The following ANKFN1 variants were observed in gnomAD, a reference collection of about 807,000 sequenced individuals.
The protein encoded by ANKFN1 is ankyrin repeat and fibronectin type-III domain-containing protein 1.
ANKFN1 carries 74 observed loss-of-function variants against 108.7 expected under a neutral mutation model. The ratio of observed to expected loss-of-function variants is 0.68; its 90% CI spans 0.56 to 0.83. The LOEUF is 0.83. Ranked by LOEUF, ANKFN1 falls within the 40% of genes least tolerant of loss-of-function variation. The pLI is 0.00. For synonymous variants in ANKFN1, 547 were observed against 516.2 expected, an observed-to-expected ratio of 1.06 and a Z score of -0.81; for missense variants, 1,505 against 1,382.3, an observed-to-expected ratio of 1.09 and a Z score of -1.41.
chr17:56,347,695 A>G (rs187447364), intron 4 of ANKFN1, among the ~76,000 whole-genome samples: 36 of 152,224 alleles, frequency 2.4e-4, no homozygotes, highest in Non-Finnish European at 4.4e-4. Flanking sequence ...ATAATGATAG[A>G]TGAAAGCTAG....
At chr17:56,442,694 C>T in intron 9 of ANKFN1, 149 bp from the exon 10 acceptor site, 1 of 570,060 alleles carries the variant, frequency 1.8e-6, no homozygotes, top group Non-Finnish European at 3.0e-6. Context: ...GGCTATAGTT[C>T]TGTTGCCCAT....
At chr17:56,154,408 A>C (rs1908893062) in intron 1 of ANKFN1, among the ~76,000 whole-genome samples, 1 of 152,096 alleles carries the variant, frequency 6.6e-6, no homozygotes, top group Non-Finnish European at 1.5e-5. Flanking sequence ...CCTTTGAAAA[A>C]ACCAGAGATA....
chr17:56,404,128 T>A (rs2047845322), intron 8 of ANKFN1, among the ~76,000 whole-genome samples: 1 of 152,162 alleles, frequency 6.6e-6, no homozygotes, highest in South Asian at 2.1e-4. Flanking sequence ...GATAACATGA[T>A]GACAATGTGC....
chr17:56,333,536 G>T, intron 4 of ANKFN1, among the ~76,000 whole-genome samples: 1 of 152,020 alleles, frequency 6.6e-6, no homozygotes, highest in Non-Finnish European at 1.5e-5. Flanking sequence ...TAGTCGTGAT[G>T]CATTATCCTT....
At chr17:56,353,586 G>C (rs2046301971) in intron 5 of ANKFN1, among the ~76,000 whole-genome samples, 1 of 152,030 alleles carries the variant, frequency 6.6e-6, no homozygotes, top group African/African-American at 2.4e-5. Context: ...GAAAAGCTGA[G>C]GTTTGCTCTT....
intron 2 of ANKFN1, among the ~76,000 whole-genome samples, chr17:56,226,421 C>G (rs1916275077): frequency 6.6e-6 from 1 of 152,088 alleles, no homozygotes; most frequent in South Asian, 2.1e-4. Context: ...CCACTCCTAA[C>G]CACCTTCACA....
chr17:56,484,786 C>T (rs1223618179), intron 18 of ANKFN1, among the ~76,000 whole-genome samples: 7 of 152,196 alleles, frequency 4.6e-5, no homozygotes, highest in African/African-American at 1.7e-4. Flanking sequence ...AACCAGGATT[C>T]CATTCTGTGT....
At chr17:56,262,398 C>T (rs754426604) in intron 3 of ANKFN1, among the ~76,000 whole-genome samples, 9 of 152,164 alleles carry the variant, frequency 5.9e-5, no homozygotes, top group African/African-American at 9.7e-5. Flanking sequence ...AAGTATATGT[C>T]GTCAAGGCTC....
At chr17:56,387,868 T>C (rs1348745214) in intron 8 of ANKFN1, among the ~76,000 whole-genome samples, 1 of 152,226 alleles carries the variant, frequency 6.6e-6, no homozygotes. Flanking sequence ...AATGCATTTG[T>C]CTCTTGTAAA....
At chr17:56,348,741 C>A (rs1191682051) in intron 4 of ANKFN1, among the ~76,000 whole-genome samples, 1 of 152,106 alleles carries the variant, frequency 6.6e-6, no homozygotes, top group East Asian at 1.9e-4. Flanking sequence ...CAAAAAACAA[C>A]AGATTCTGGC....
chr17:56,087,962 ATG>A (rs1281375290), intron 4 of ANKFN1, among the ~76,000 whole-genome samples: 1 of 150,578 alleles, frequency 6.6e-6, no homozygotes, highest in African/African-American at 2.4e-5. Context: ...GTTTGTGTGT[ATG>A]TGTTTGTGTG....
chr17:56,257,527 AC>A (rs1232845699), intron 3 of ANKFN1, among the ~76,000 whole-genome samples: 6 of 152,138 alleles, frequency 3.9e-5, no homozygotes, highest in African/African-American at 1.4e-4. Context: ...GCATTTTCCA[AC>A]ATTCTCCACA....
intron 8 of ANKFN1, among the ~76,000 whole-genome samples, chr17:56,405,275 A>G (rs1369093104): frequency 6.6e-6 from 1 of 152,210 alleles, no homozygotes; most frequent in East Asian, 1.9e-4. Flanking sequence ...ACTCCTAAGC[A>G]TATAAAAAGA....
rs1201866753 is a variant in ANKFN1 at position 56,429,625 on chromosome 17, A to G, written c.911-10702A>G. Among the ~76,000 whole-genome samples the G allele has an allele frequency of 2.6e-5, 4 of 152,198 alleles. No individual in the cohort carries two copies. In the East Asian group the frequency reaches 7.7e-4, roughly 29 times the overall value. On this transcript the variant is annotated intron_variant, in intron 8 of 20. Transcript: ENST00000682825. ...AGTTTGCCAGGTCCTGTTGTAGACT[A>G]TGTTGAGGAGTTTAGATTTTATTCC...
At chr17:56,320,271 G>A (rs2045324927) in intron 3 of ANKFN1, among the ~76,000 whole-genome samples, 1 of 152,130 alleles carries the variant, frequency 6.6e-6, no homozygotes, top group African/African-American at 2.4e-5. Context: ...TCTTCCACAT[G>A]GTTCAATTAT....
intron 4 of ANKFN1, among the ~76,000 whole-genome samples, chr17:56,139,771 T>C (rs1907810814): frequency 6.6e-6 from 1 of 152,192 alleles, no homozygotes; most frequent in Admixed American, 6.5e-5. Flanking sequence ...CGTAGCCTCA[T>C]TGCAGCATTA....
At chr17:56,346,926 A>G (rs779243680) in intron 4 of ANKFN1, among the ~76,000 whole-genome samples, 1 of 151,938 alleles carries the variant, frequency 6.6e-6, no homozygotes, top group Non-Finnish European at 1.5e-5. Context: ...TGAAATTCTG[A>G]TACTGTTACC....
At chr17:56,354,166 G>A (rs1341369575) in intron 6 of ANKFN1, 120 bp downstream of exon 6, 1 of 943,784 alleles carries the variant, frequency 1.1e-6, no homozygotes, top group African/African-American at 1.7e-5. Context: ...ACTCTGATAG[G>A]CTTTGGATGT....
chr17:56,442,505 C>T (rs1375921629), intron 9 of ANKFN1, among the ~76,000 whole-genome samples: 1 of 152,094 alleles, frequency 6.6e-6, no homozygotes, highest in African/African-American at 2.4e-5. Flanking sequence ...TTTTTGTAAA[C>T]CTTGTAGAAC....
Sources: gnomAD v4.1 joint callset for allele counts (sites outside exome capture counted in the v4.1 genomes callset) on GRCh38, gnomAD v4.1.1 for gene constraint, MANE v1.5 for transcripts, NCBI Gene and HGNC (gene_info 2026-07-23, HGNC 2026-07-21) for gene names.